The following SORL1 variants were observed in gnomAD, a reference collection of about 807,000 sequenced individuals.
SORL1 encodes sortilin-related receptor.
Under a neutral mutation model 273.7 loss-of-function variants are expected in SORL1, and 127 were observed. The observed-to-expected ratio is 0.46, with a 90% CI of 0.40 to 0.54. The LOEUF (loss-of-function observed/expected upper bound fraction) is 0.54, where lower values mean the gene tolerates loss of function less well. Ranked by LOEUF, SORL1 falls within the 20% of genes least tolerant of loss-of-function variation. The pLI is 0.00. For missense variants in SORL1, 2,494 were observed against 2,846.1 expected (o/e 0.88, Z 2.81); for synonymous variants, 1,031 against 1,067.4 (o/e 0.97, Z 0.66).
At chr11:121,586,698 G>GGA (rs1555081896) in intron 27 of SORL1, among the ~76,000 whole-genome samples, 3 of 12,908 alleles carry the variant, frequency 2.3e-4, no homozygotes, top group Non-Finnish European at 7.5e-4. Flanking sequence ...TAGAGTGGGG[G>GGA]GGGGGGCGGG....
rs757073091 is a variant in SORL1 at position 121,488,173 on chromosome 11, A to G, written c.670A>G (p.Arg224Gly). The part of the protein sequence containing the change: ...KASNLLLGFD[R>G]SHPNKQLWKS... ...CTCCAACCTTCTCTTGGGCTTTGAC[A>G]GGTCCCACCCCAACAAGCAGGTAAG... Residue 224 changes from arginine (R) to glycine (G), a missense_variant, in exon 4 of 48, where the codon AGG becomes GGG. Physicochemically the swap from Arg to Gly is moderately radical, Grantham distance 125 (BLOSUM62 -2). This residue lies in a region of SORL1 where 710 missense variants were observed against 882.5 expected (regional missense o/e 0.80). Coordinates refer to ENST00000260197, the MANE Select transcript of SORL1 (RefSeq NM_003105.6). 11 of 1,614,042 alleles carry G rather than the reference A, an allele frequency of 6.8e-6. No homozygotes were observed. The South Asian group carries it at 8.8e-5, about 13-fold the overall frequency.
chr11:121,552,173 C>T (rs1188819104), intron 16 of SORL1, among the ~76,000 whole-genome samples: 9 of 152,030 alleles, frequency 5.9e-5, no homozygotes, highest in Non-Finnish European at 1.2e-4. Flanking sequence ...AGGGATATAC[C>T]AGGAAAGAAA....
At position 121,629,493 on chromosome 11, in the gene SORL1, T is replaced by C. The variant is rs1044825967; in HGVS notation, c.6578-3T>C. 1.3e-5 allele frequency: 20 copies of C among 1,540,314 alleles called. No homozygotes were observed. The highest frequency in any genetic ancestry group is 1.8e-5 in the Non-Finnish European group (20 of 1,112,642). On this transcript the variant is annotated splice_region_variant and splice_polypyrimidine_tract_variant and intron_variant, in intron 47 of 47. Coordinates refer to ENST00000260197, the MANE Select transcript of SORL1 (RefSeq NM_003105.6). ...CACCAAGGCCTGACTGTTTTGTCTC[T>C]AGGGGAAGATGATGAAGATGCCCCT...
intron 12 of SORL1, among the ~76,000 whole-genome samples, chr11:121,541,773 A>G (rs1862353270): frequency 6.6e-6 from 1 of 152,094 alleles, no homozygotes; most frequent in African/African-American, 2.4e-5. Context: ...TGTTGGGCAG[A>G]TTTTCTTCCT....
At chr11:121,566,862 A>G (rs1784920) in intron 21 of SORL1, 78 bp from the exon 22 acceptor site, 1,160,376 of 1,344,796 alleles carry the variant, frequency 0.86, 503,500 homozygotes, top group Non-Finnish European at 0.88. Context: ...AGGAGGTTGC[A>G]GTGGGTCTCC....
intron 26 of SORL1, among the ~76,000 whole-genome samples, chr11:121,584,105 C>T (rs931044070): frequency 2.0e-5 from 3 of 152,190 alleles, no homozygotes; most frequent in Non-Finnish European, 4.4e-5. Context: ...GCTAGTACCA[C>T]TATTCGTGTC....
chr11:121,567,180 G>A (rs1236245939), intron 22 of SORL1, 67 bp downstream of exon 22: 2 of 1,328,656 alleles, frequency 1.5e-6, no homozygotes, highest in Non-Finnish European at 1.1e-6. Context: ...GCCAGGGGAG[G>A]GAGGGATAGC....
At chr11:121,492,582 GT>G (rs1861570264) in intron 5 of SORL1, among the ~76,000 whole-genome samples, 2 of 152,180 alleles carry the variant, frequency 1.3e-5, no homozygotes, top group African/African-American at 4.8e-5. Flanking sequence ...ACTTTTGTAA[GT>G]TTTGTGCACT....
intron 12 of SORL1, among the ~76,000 whole-genome samples, chr11:121,533,332 C>G (rs1169715869): frequency 6.6e-6 from 1 of 152,282 alleles, no homozygotes; most frequent in African/African-American, 2.4e-5. Flanking sequence ...GGCAAAGTAA[C>G]TTGCCCAGGG....
intron 14 of SORL1, among the ~76,000 whole-genome samples, chr11:121,549,643 T>C (rs1862479251): frequency 6.6e-6 from 1 of 151,274 alleles, no homozygotes; most frequent in Non-Finnish European, 1.5e-5. Flanking sequence ...TAATCCCTTT[T>C]AACAGAGAGG....
rs969506527 is a variant in SORL1 at position 121,569,411 on chromosome 11, C to T, written c.3224-746C>T. 3.9e-5 allele frequency among the ~76,000 whole-genome samples: 6 copies of T among 152,350 alleles called. No homozygotes were observed. The South Asian group carries it at 1.2e-3, about 32-fold the overall frequency. ...GAACAGAGCCACATTTCTCTTCTTTCAAAAGGAAATGGGAGAAATATCGCT... is the reference window on the plus strand; with the variant it reads ...GAACAGAGCCACATTTCTCTTCTTTTAAAAGGAAATGGGAGAAATATCGCT... On this transcript the variant is annotated intron_variant, in intron 22 of 47. Transcript: ENST00000260197.
intron 6 of SORL1, among the ~76,000 whole-genome samples, chr11:121,506,968 C>G (rs1392208905): frequency 6.6e-6 from 1 of 151,776 alleles, no homozygotes; most frequent in African/African-American, 2.4e-5. Flanking sequence ...TAAATTTTTC[C>G]CAGGTGTTTT....
chr11:121,603,353 C>G lies in SORL1; in HGVS notation c.4520-840C>G, dbSNP rs1254459631. ...CTCAAGTTACTGTTCCTGGGCTCAA[C>G]CAGCTACATAGCAGATTTGTACCAC... On this transcript the variant is annotated intron_variant, in intron 32 of 47. Transcript: ENST00000260197. Among the ~76,000 whole-genome samples, 3 of 152,336 alleles carry G rather than the reference C, an allele frequency of 2.0e-5. 1 individual carries two copies. The South Asian group carries it at 6.2e-4, about 32-fold the overall frequency.
chr11:121,590,502 CAG>C, intron 30 of SORL1: 1 of 508,016 alleles, frequency 2.0e-6, no homozygotes, highest in Non-Finnish European at 3.5e-6. Flanking sequence ...CCCAGACCTA[CAG>C]AGTCAGAATC....
At chr11:121,579,541 T>C (rs1012949690) in intron 25 of SORL1, among the ~76,000 whole-genome samples, 19 of 152,222 alleles carry the variant, frequency 1.2e-4, no homozygotes, top group African/African-American at 4.3e-4. Context: ...TACATCTGAT[T>C]TCTGTGTGTT....
At chr11:121,547,348 T>G (rs1185668196) in intron 14 of SORL1, among the ~76,000 whole-genome samples, 2 of 121,560 alleles carry the variant, frequency 1.6e-5, no homozygotes, top group East Asian at 4.8e-4. Context: ...TTTTTTTTCA[T>G]GACATTTAGG....
chr11:121,619,968 G>A (rs371598597), intron 43 of SORL1, 51 bp downstream of exon 43: 1 of 1,477,650 alleles, frequency 6.8e-7, no homozygotes, highest in African/African-American at 1.4e-5. Flanking sequence ...GCCTGGTTAG[G>A]GTGGGGTGGG....
intron 32 of SORL1, among the ~76,000 whole-genome samples, chr11:121,602,075 C>T (rs143389265): frequency 1.3e-5 from 2 of 152,178 alleles, no homozygotes; most frequent in African/African-American, 2.4e-5. Flanking sequence ...GTAGGACCTC[C>T]ATGAATGTTC....
chr11:121,504,931 G>T (rs550498414), intron 6 of SORL1, among the ~76,000 whole-genome samples: 1 of 152,168 alleles, frequency 6.6e-6, no homozygotes, highest in Non-Finnish European at 1.5e-5. Context: ...TGCTTTTTCT[G>T]TGTCAGTTGC....
Sources: gnomAD v4.1 joint callset for allele counts (sites outside exome capture counted in the v4.1 genomes callset) on GRCh38, gnomAD v4.1.1 for gene constraint, gnomAD v4.1.1 regional missense constraint, MANE v1.5 for transcripts, NCBI Gene and HGNC (gene_info 2026-07-23, HGNC 2026-07-21) for gene names.